AKAP12: variants seen among roughly 807,000 people sequenced by gnomAD.
AKAP12 encodes A-kinase anchoring protein 12.
In AKAP12, 32 loss-of-function variants were observed where a neutral mutation model predicts 79.9. The ratio of observed to expected loss-of-function variants is 0.40; its 90% CI spans 0.30 to 0.54. The LOEUF (loss-of-function observed/expected upper bound fraction) is 0.54, where lower values mean the gene tolerates loss of function less well. AKAP12 is among the 20% of genes least tolerant of loss of function. The pLI, the probability that AKAP12 is intolerant of heterozygous loss-of-function variation, is 0.48. For synonymous variants in AKAP12, 808 were observed against 857.0 expected (o/e 0.94, Z 1.00); for missense variants, 2,074 against 2,177.0 (o/e 0.95, Z 0.94).
At position 151,353,106 on chromosome 6, in the gene AKAP12, T is replaced by TGACA. The variant is rs1453963714; in HGVS notation, c.4718_4719insAGAC (p.Ser1574AspfsTer3). On this transcript the variant is annotated frameshift_variant, in exon 4 of 5. Coordinates refer to ENST00000402676, the MANE Select transcript of AKAP12 (RefSeq NM_005100.4). LOFTEE classifies it low-confidence loss of function (END_TRUNC). ...ACAGAAGAAACAGCCACCGAAATGT[T>TGACA]GACGTCTGAGTTACAGACACAAGCT... is the stretch of plus-strand genomic sequence containing the variant. 2 of 1,614,188 alleles carry TGACA rather than the reference T, an allele frequency of 1.2e-6. No homozygotes were observed. Among genetic ancestry groups the TGACA allele is most frequent in the Middle Eastern group, 1.6e-4 (1 of 6,062 alleles).
At chr6:151,330,973 C>T (rs1018781412) in intron 3 of AKAP12, among the ~76,000 whole-genome samples, 13 of 152,142 alleles carry the variant, frequency 8.5e-5, no homozygotes, top group African/African-American at 2.7e-4. Flanking sequence ...TGGAGATTTT[C>T]GAAAGGAAAA....
chr6:151,306,840 G>A (rs986320089), intron 3 of AKAP12, among the ~76,000 whole-genome samples: 4 of 152,188 alleles, frequency 2.6e-5, no homozygotes, highest in East Asian at 3.8e-4. Context: ...TCTCACAGGC[G>A]GAGTATTTGC....
At chr6:151,324,128 T>C in intron 3 of AKAP12, 1 of 985,358 alleles carries the variant, frequency 1.0e-6, no homozygotes, top group South Asian at 4.7e-5. Flanking sequence ...CCAGCCTCAT[T>C]ATTAAAATTG....
At chr6:151,267,280 T>C (rs1333002359) in intron 2 of AKAP12, among the ~76,000 whole-genome samples, 1 of 152,226 alleles carries the variant, frequency 6.6e-6, no homozygotes, top group Non-Finnish European at 1.5e-5. Flanking sequence ...GTGGTTAATA[T>C]AGAGCATTTT....
intron 2 of AKAP12, among the ~76,000 whole-genome samples, chr6:151,266,920 G>A (rs1776044558): frequency 6.6e-6 from 1 of 150,624 alleles, no homozygotes; most frequent in African/African-American, 2.4e-5. Flanking sequence ...AGGAGGCTGA[G>A]GCAGGAGAAT....
chr6:151,321,894 C>T (rs1777397307), intron 3 of AKAP12, among the ~76,000 whole-genome samples: 2 of 126,582 alleles, frequency 1.6e-5, no homozygotes, highest in South Asian at 4.9e-4. Context: ...CCAGGCACAT[C>T]AGCTTTATGT....
intron 3 of AKAP12, among the ~76,000 whole-genome samples, chr6:151,315,862 G>A (rs1777221819): frequency 6.6e-6 from 1 of 152,112 alleles, no homozygotes; most frequent in African/African-American, 2.4e-5. Flanking sequence ...CATGGCAGCA[G>A]GAAGGAGAAG....
intron 2 of AKAP12, among the ~76,000 whole-genome samples, chr6:151,242,889 T>C (rs1012190635): frequency 1.3e-5 from 2 of 152,240 alleles, no homozygotes; most frequent in Non-Finnish European, 1.5e-5. Context: ...AGGGGTGATA[T>C]TGGCTCCTTG....
chr6:151,352,223 G>A lies in AKAP12; in HGVS notation c.3832G>A (p.Val1278Ile), dbSNP rs538636018. The change falls in exon 4 of 5, where the codon GTA becomes ATA. Residue 1278 changes from valine to isoleucine, a missense_variant. Around this residue, in one of 3 missense-constraint regions of AKAP12, gnomAD observed 614 missense variants for 665.6 expected, o/e 0.92. Transcript: ENST00000402676. ...GTATGCTGATGAGAAAACCAAAGACGTACCATTTTTCGAAGGACTTGAGGG... is the reference window on the plus strand; with the variant it reads ...GTATGCTGATGAGAAAACCAAAGACATACCATTTTTCGAAGGACTTGAGGG... Reference protein sequence around the residue: ...DQYADEKTKDVPFFEGLEGSI... With the variant: ...DQYADEKTKDIPFFEGLEGSI... The A allele has an allele frequency of 3.1e-6, 5 of 1,614,042 alleles. No homozygotes were observed. The highest frequency in any genetic ancestry group is 2.2e-5 in the East Asian group (1 of 44,896).
chr6:151,282,237 A>G (rs1174959384), intron 2 of AKAP12, among the ~76,000 whole-genome samples: 1 of 151,884 alleles, frequency 6.6e-6, no homozygotes, highest in Non-Finnish European at 1.5e-5. Flanking sequence ...AGCCTCCTGA[A>G]TAGCTGGGAC....
In AKAP12 at chr6:151,357,402, CA is replaced by C. The variant is rs1778469670; in HGVS notation, c.*1689del. On this transcript the variant is annotated 3_prime_UTR_variant, in exon 5 of 5. Coordinates refer to ENST00000402676, the MANE Select transcript of AKAP12 (RefSeq NM_005100.4). The stretch of plus-strand genomic sequence containing the variant: ...AGAACTGGCCTGGCATATAGCTTTC[CA>C]GATTTTACTCAAACTTGGTACTCCA... The C allele has an allele frequency of 6.6e-6, 1 of 152,196 alleles. No individual in the cohort carries two copies. Among genetic ancestry groups the C allele is most frequent in the African/African-American group, 2.4e-5 (1 of 41,444 alleles). The allele number at this position is 152,196 out of a possible 1,614,324, so 9.4% of individuals were successfully genotyped here. A position where few individuals can be genotyped will look rare whatever the true frequency, so the allele number is the denominator to read the frequency against.
In AKAP12 at chr6:151,337,386, G is replaced by C. The variant is rs1777842299; in HGVS notation, c.320-11325G>C. Among the ~76,000 whole-genome samples, 3 of 151,550 alleles carry C rather than the reference G, an allele frequency of 2.0e-5. No homozygotes were observed. The South Asian group carries it at 6.3e-4, about 32-fold the overall frequency. The stretch of plus-strand genomic sequence containing the variant: ...AAAAATTAGCCGGGCGTCGCGGCGG[G>C]CGCCTGTAATCCCAGCTACTTGGGA... On this transcript the variant is annotated intron_variant, in intron 3 of 4. Transcript: ENST00000402676.
In AKAP12 at chr6:151,350,991, A is replaced by G; in HGVS notation, c.2600A>G (p.Lys867Arg). The G allele has an allele frequency of 6.2e-7, 1 of 1,614,062 alleles. No individual in the cohort carries two copies. Among genetic ancestry groups the G allele is most frequent in the Non-Finnish European group, 8.5e-7 (1 of 1,180,014 alleles). ...REKMEAQQAQKSAEQPEQKAA... is the reference protein window; with the variant it reads ...REKMEAQQAQRSAEQPEQKAA... ...AAAATGGAGGCACAGCAAGCCCAAA[A>G]AAGCGCAGAGCAGCCCGAGCAGAAG... Residue 867 changes from lysine (K) to arginine (R), a missense_variant, in exon 4 of 5, where the codon AAA (lysine) becomes AGA (arginine). Lys to Arg is a conservative substitution (Grantham distance 26). Transcript: ENST00000402676. This position sits in a 1 kb window ranked among gnomAD's most constrained non-coding sequence, Gnocchi z 4.8.
At chr6:151,354,323 G>A (rs560795164) in intron 4 of AKAP12, among the ~76,000 whole-genome samples, 1 of 129,660 alleles carries the variant, frequency 7.7e-6, no homozygotes, top group South Asian at 2.2e-4. Context: ...CCCTCACTGT[G>A]TTAGTTACTT....
chr6:151,272,357 A>C (rs1013966967), intron 2 of AKAP12, among the ~76,000 whole-genome samples: 4 of 150,678 alleles, frequency 2.7e-5, no homozygotes, highest in Non-Finnish European at 5.9e-5. Flanking sequence ...AAAAAAAAAA[A>C]AACAAAAAAA....
At chr6:151,328,907 A>G (rs541271211) in intron 3 of AKAP12, among the ~76,000 whole-genome samples, 100 of 152,226 alleles carry the variant, frequency 6.6e-4, no homozygotes, top group African/African-American at 2.3e-3. Context: ...TGCCACACAC[A>G]CAACCCAGTT....
rs373354947 is a variant in AKAP12 at position 151,240,225 on chromosome 6, C to G, written c.-179-159C>G. ...GGGTGGGCGGCTGCCTGGACCTGGG[C>G]TGGCGCGTCGCAGCGCCTCTGGTCC... On this transcript the variant is annotated intron_variant, in intron 1 of 4. Coordinates refer to ENST00000402676, the MANE Select transcript of AKAP12 (RefSeq NM_005100.4). 1,660 of 202,756 alleles carry G rather than the reference C, an allele frequency of 8.2e-3. 4 individuals are homozygous for G. The highest frequency in any genetic ancestry group is 0.014 in the Admixed American group (236 of 16,598). The allele number at this position is 202,756 out of a possible 1,614,324, so 12.6% of individuals were successfully genotyped here. A position where few individuals can be genotyped will look rare whatever the true frequency, so the allele number is the denominator to read the frequency against.
At chr6:151,281,387 C>T (rs775957859) in intron 2 of AKAP12, among the ~76,000 whole-genome samples, 2 of 152,260 alleles carry the variant, frequency 1.3e-5, no homozygotes, top group African/African-American at 4.8e-5. Context: ...ATTTCTGTAA[C>T]GTATGGGAAG....
At chr6:151,314,942 T>C (rs1341096965) in intron 3 of AKAP12, among the ~76,000 whole-genome samples, 1 of 151,802 alleles carries the variant, frequency 6.6e-6, no homozygotes, top group Non-Finnish European at 1.5e-5. Flanking sequence ...GTCCCAGCTA[T>C]TCGGGAGGCT....
Sources: allele counts gnomAD v4.1 joint callset (sites outside exome capture counted in the v4.1 genomes callset), GRCh38; gene constraint gnomAD v4.1.1; regional missense constraint gnomAD v4.1.1; non-coding constraint Gnocchi (gnomAD v3.1); transcripts MANE v1.5; gene names NCBI Gene and HGNC (gene_info 2026-07-23, HGNC 2026-07-21).